The following CTBP2 variants were observed in gnomAD, a reference collection of about 807,000 sequenced individuals.
CTBP2 encodes the protein C-terminal binding protein 2.
A neutral mutation model predicts 80.3 loss-of-function variants in CTBP2; 30 were observed. The ratio of observed to expected loss-of-function variants is 0.37; its 90% CI spans 0.28 to 0.51. The LOEUF (loss-of-function observed/expected upper bound fraction) is 0.51, where lower values mean the gene tolerates loss of function less well. Among genes scored for constraint, CTBP2 ranks in the 20% least tolerant of loss-of-function variants. The pLI is 0.93. For synonymous variants in CTBP2, 594 were observed against 587.4 expected, an observed-to-expected ratio of 1.01 and a Z score of -0.16; for missense variants, 1,212 against 1,375.3, an observed-to-expected ratio of 0.88 and a Z score of 1.88.
Position 125,047,192 on chromosome 10 carries a change from G to A in CTBP2, c.-101-8037C>T, listed in dbSNP as rs148580681. ...AAAAAAAAGGGATAAAAGCAAATAAGCAAACAAACTAAATGACACCTCTTA... is the reference window on the plus strand; with the variant it reads ...AAAAAAAAGGGATAAAAGCAAATAAACAAACAAACTAAATGACACCTCTTA... On this transcript the variant is annotated intron_variant, in intron 2 of 10. Coordinates refer to the CTBP2 transcript ENST00000337195. Among the ~76,000 whole-genome samples the A allele has an allele frequency of 6.6e-5, 10 of 152,192 alleles. No homozygotes were observed. In the East Asian group the frequency reaches 1.9e-3, roughly 29 times the overall value.
At chr10:125,005,752 G>GC in intron 1 of CTBP2, 3 of 1,612,860 alleles carry the variant, frequency 1.9e-6, no homozygotes, top group Non-Finnish European at 2.5e-6. Flanking sequence ...CACTCTTCTG[G>GC]CCCCTACTTG....
At chr10:125,058,510 G>A (rs1406477271) in intron 2 of CTBP2, among the ~76,000 whole-genome samples, 1 of 152,154 alleles carries the variant, frequency 6.6e-6, no homozygotes, top group Non-Finnish European at 1.5e-5. Flanking sequence ...GTGAAGCCAC[G>A]GCCGGGCGCG....
At chr10:125,038,597 G>A (rs924920499) in intron 3 of CTBP2, among the ~76,000 whole-genome samples, 3 of 152,210 alleles carry the variant, frequency 2.0e-5, no homozygotes, top group Non-Finnish European at 4.4e-5. Flanking sequence ...GGGCTCTTCA[G>A]GAATCTCATA....
intron 1 of CTBP2, among the ~76,000 whole-genome samples, chr10:125,152,078 C>G (rs1179458167): frequency 2.0e-5 from 3 of 150,996 alleles, no homozygotes; most frequent in South Asian, 4.2e-4. Context: ...GCCAAGTGCC[C>G]TGCGGGGGGA....
intron 2 of CTBP2, among the ~76,000 whole-genome samples, chr10:125,083,081 G>A (rs1335724548): frequency 6.6e-6 from 1 of 152,198 alleles, no homozygotes; most frequent in East Asian, 1.9e-4. Context: ...CAGACTGCAA[G>A]TACTGGGAGG....
intron 2 of CTBP2, among the ~76,000 whole-genome samples, chr10:125,076,112 A>T (rs1649517313): frequency 6.6e-6 from 1 of 151,444 alleles, no homozygotes; most frequent in African/African-American, 2.4e-5. Context: ...CCTCCCTCCC[A>T]TGAGGAGCCT....
At chr10:125,007,523 G>A (rs1955398381) in intron 1 of CTBP2, among the ~76,000 whole-genome samples, 1 of 152,254 alleles carries the variant, frequency 6.6e-6, no homozygotes, top group African/African-American at 2.4e-5. Context: ...AAGGCAGGTA[G>A]ATCTCAGGGA....
At chr10:125,120,273 A>C (rs1023604521) in intron 1 of CTBP2, among the ~76,000 whole-genome samples, 5 of 152,210 alleles carry the variant, frequency 3.3e-5, no homozygotes, top group Non-Finnish European at 7.3e-5. Context: ...GATGAGCAGG[A>C]AGATGAGCAG....
intron 1 of CTBP2, among the ~76,000 whole-genome samples, chr10:125,115,513 A>G (rs958088429): frequency 6.6e-6 from 1 of 152,212 alleles, no homozygotes; most frequent in Admixed American, 6.5e-5. Flanking sequence ...TGGAGGTAAC[A>G]GCATCTACCT....
intron 2 of CTBP2, among the ~76,000 whole-genome samples, chr10:125,085,129 A>C (rs1847786782): frequency 6.6e-6 from 1 of 152,182 alleles, no homozygotes; most frequent in South Asian, 2.1e-4. Flanking sequence ...CCATCACCCA[A>C]GCTGCGACAC....
At position 125,038,562 on chromosome 10, in the gene CTBP2, T is replaced by A. The variant is rs183210289; in HGVS notation, c.58+435A>T. Among the ~76,000 whole-genome samples, 608 of 152,290 alleles carry A rather than the reference T, an allele frequency of 4.0e-3. 1 individual carries two copies. The highest frequency in any genetic ancestry group is 4.7e-3 in the Non-Finnish European group (320 of 68,028). On this transcript the variant is annotated intron_variant, in intron 3 of 10. Transcript: ENST00000337195. ...GACATTTCCAAAGATACCAGGGACATGAACACACCACGAGGGGCAATGCTG... is the reference window on the plus strand; with the variant it reads ...GACATTTCCAAAGATACCAGGGACAAGAACACACCACGAGGGGCAATGCTG...
At chr10:125,024,997 C>T (rs1215818681) in intron 1 of CTBP2, among the ~76,000 whole-genome samples, 3 of 152,176 alleles carry the variant, frequency 2.0e-5, no homozygotes, top group Non-Finnish European at 4.4e-5. Context: ...ATAGCACACA[C>T]GGGCCACACA....
chr10:125,003,544 G>A, intron 1 of CTBP2, 52 bp from the exon 4 acceptor site: 1 of 1,417,228 alleles, frequency 7.1e-7, no homozygotes. Flanking sequence ...GGGCCACAGG[G>A]TGCGTGGAGG....
intron 1 of CTBP2, among the ~76,000 whole-genome samples, chr10:125,024,486 C>A (rs145380282): frequency 1.3e-5 from 2 of 152,076 alleles, no homozygotes; most frequent in South Asian, 4.2e-4. Context: ...CAAATAATGG[C>A]GAATGTTTTT....
intron 1 of CTBP2, among the ~76,000 whole-genome samples, chr10:125,145,278 C>T (rs1355194199): frequency 6.6e-6 from 1 of 152,102 alleles, no homozygotes; most frequent in Non-Finnish European, 1.5e-5. Flanking sequence ...GCTAAAAATA[C>T]AGATGTTAGG....
intron 2 of CTBP2, among the ~76,000 whole-genome samples, chr10:125,106,437 A>G (rs1312059135): frequency 6.6e-6 from 1 of 152,216 alleles, no homozygotes; most frequent in Non-Finnish European, 1.5e-5. Flanking sequence ...GGGTTGCTTC[A>G]TCGGCTCCTG....
chr10:125,099,982 G>A (rs901665981), intron 2 of CTBP2, among the ~76,000 whole-genome samples: 5 of 152,212 alleles, frequency 3.3e-5, no homozygotes, highest in African/African-American at 1.2e-4. Flanking sequence ...ACACTGCCAA[G>A]TCCTGGGGGG....
In CTBP2 at chr10:124,998,051, T is replaced by C. The variant is rs1388370770; in HGVS notation, c.2098A>G (p.Thr700Ala). 1.2e-6 allele frequency: 2 copies of C among 1,613,224 alleles called. No homozygotes were observed. The highest frequency in any genetic ancestry group is 3.3e-5 in the Admixed American group (2 of 59,964). ...ATCTGCTCCACGCTCTGAACCCGCG[T>C]GCCTTCCCGCAGTGCCTGGTACAGC... Residue 700 changes from threonine (T) to alanine (A), a missense_variant, in exon 4 of 9, where the codon ACG becomes GCG. Thr to Ala is a moderately conservative substitution (Grantham distance 58). Coordinates refer to ENST00000309035, the MANE Select transcript of CTBP2 (RefSeq NM_022802.3).
At chr10:125,120,440 G>A (rs1374288566) in intron 1 of CTBP2, among the ~76,000 whole-genome samples, 2 of 152,198 alleles carry the variant, frequency 1.3e-5, no homozygotes, top group Non-Finnish European at 2.9e-5. Context: ...AGGTTGGAGT[G>A]CAGTGGTGCA....
Sources: gnomAD v4.1 joint callset for allele counts (sites outside exome capture counted in the v4.1 genomes callset) on GRCh38, gnomAD v4.1.1 for gene constraint, MANE v1.5 for transcripts, NCBI Gene and HGNC (gene_info 2026-07-23, HGNC 2026-07-21) for gene names.